The following NXPH1 variants were observed in gnomAD, a reference collection of about 807,000 sequenced individuals.
NXPH1 encodes neurexophilin-1.
NXPH1 carries 5 observed loss-of-function variants against 23.7 expected under a neutral mutation model. The ratio of observed to expected loss-of-function variants is 0.21; its 90% CI spans 0.11 to 0.44. NXPH1 has a LOEUF of 0.44. Among genes scored for constraint, NXPH1 ranks in the 20% least tolerant of loss-of-function variants. The probability of loss-of-function intolerance (pLI) is 0.99; values close to 1 mark genes in which losing one functional copy is unlikely to be tolerated. For missense variants in NXPH1, 324 were observed against 321.6 expected, an observed-to-expected ratio of 1.01 and a Z score of -0.06; for synonymous variants, 144 against 122.2, an observed-to-expected ratio of 1.18 and a Z score of -1.18.
chr7:8,691,977 C>G (rs1277896513), intron 2 of NXPH1, among the ~76,000 whole-genome samples: 1 of 151,972 alleles, frequency 6.6e-6, no homozygotes, highest in Non-Finnish European at 1.5e-5. Context: ...GGGCACTAGT[C>G]AAGCAATGAT....
At chr7:8,459,293 C>A (rs181246741) in intron 2 of NXPH1, among the ~76,000 whole-genome samples, 2 of 152,188 alleles carry the variant, frequency 1.3e-5, no homozygotes, top group East Asian at 1.9e-4. Context: ...GTAGAGACTT[C>A]ACTGGATTTT....
chr7:8,700,202 T>C (rs1361570321), intron 2 of NXPH1, among the ~76,000 whole-genome samples: 1 of 152,170 alleles, frequency 6.6e-6, no homozygotes, highest in East Asian at 1.9e-4. Context: ...ATGAGCAGTT[T>C]GAATGTTATT....
chr7:8,551,972 G>A (rs1818283126), intron 2 of NXPH1, among the ~76,000 whole-genome samples: 1 of 151,214 alleles, frequency 6.6e-6, no homozygotes, highest in South Asian at 2.1e-4. Context: ...ATCCTCTGAT[G>A]TCTCTTTTTT....
At chr7:8,691,565 G>A (rs566769273) in intron 2 of NXPH1, among the ~76,000 whole-genome samples, 4 of 152,178 alleles carry the variant, frequency 2.6e-5, no homozygotes, top group Non-Finnish European at 5.9e-5. Context: ...AATATTTTTT[G>A]CTACCAAATA....
chr7:8,512,233 T>C (rs1817623715), intron 2 of NXPH1, among the ~76,000 whole-genome samples: 1 of 152,174 alleles, frequency 6.6e-6, no homozygotes, highest in African/African-American at 2.4e-5. Flanking sequence ...GTGATAATCT[T>C]AACCAACTGT....
At chr7:8,663,172 A>G (rs1204530988) in intron 2 of NXPH1, among the ~76,000 whole-genome samples, 2 of 152,116 alleles carry the variant, frequency 1.3e-5, no homozygotes, top group African/African-American at 4.8e-5. Context: ...CATGGAGTCA[A>G]TGTTTGTGAG....
intron 2 of NXPH1, among the ~76,000 whole-genome samples, chr7:8,674,459 T>G (rs1329362007): frequency 6.6e-6 from 1 of 152,168 alleles, no homozygotes; most frequent in African/African-American, 2.4e-5. Flanking sequence ...GTACCGTATT[T>G]AAGAAGAAAG....
intron 2 of NXPH1, among the ~76,000 whole-genome samples, chr7:8,632,739 C>T (rs900125857): frequency 3.3e-5 from 5 of 152,134 alleles, no homozygotes; most frequent in African/African-American, 9.7e-5. Context: ...TGAGAATTTC[C>T]GTGGTGTAGA....
rs113503548 is a variant in NXPH1 at position 8,526,233 on chromosome 7, C to T, written c.54+90466C>T. Among the ~76,000 whole-genome samples the T allele has an allele frequency of 6.3e-3, 955 of 152,340 alleles. 8 individuals are homozygous for T. The highest frequency in any genetic ancestry group is 0.022 in the African/African-American group (916 of 41,586). ...ACTCCCCTGCTGGATTTTGGACTTG[C>T]ATGGGCCCTGTAATCCCTTTGTTTT... On this transcript the variant is annotated intron_variant, in intron 2 of 2. Coordinates refer to ENST00000405863, the MANE Select transcript of NXPH1 (RefSeq NM_152745.3).
At chr7:8,639,919 A>C (rs140354429) in intron 2 of NXPH1, among the ~76,000 whole-genome samples, 1,637 of 152,228 alleles carry the variant, frequency 0.011, 20 homozygotes, top group Non-Finnish European at 0.014. Context: ...TTTTGTTCTC[A>C]GTTTCAGGTA....
chr7:8,553,084 C>A (rs1818304076), intron 2 of NXPH1, among the ~76,000 whole-genome samples: 1 of 151,300 alleles, frequency 6.6e-6, no homozygotes, highest in Non-Finnish European at 1.5e-5. Flanking sequence ...TGACTAGAGG[C>A]AAAGAGAGAA....
intron 2 of NXPH1, among the ~76,000 whole-genome samples, chr7:8,485,672 C>T (rs1817147540): frequency 6.6e-6 from 1 of 152,122 alleles, no homozygotes; most frequent in Admixed American, 6.6e-5. Context: ...GCTCAAAAGA[C>T]TTCTCATTTG....
intron 2 of NXPH1, among the ~76,000 whole-genome samples, chr7:8,548,159 A>C (rs1007966550): frequency 2.0e-5 from 3 of 151,484 alleles, no homozygotes; most frequent in African/African-American, 7.3e-5. Flanking sequence ...TTTTCAGATG[A>C]AGTGTTGAAG....
At chr7:8,671,345 C>T (rs1820866633) in intron 2 of NXPH1, among the ~76,000 whole-genome samples, 1 of 152,100 alleles carries the variant, frequency 6.6e-6, no homozygotes, top group South Asian at 2.1e-4. Context: ...AGATAGGTTC[C>T]TGAGCATTCT....
chr7:8,504,318 C>T (rs1263755790), intron 2 of NXPH1, among the ~76,000 whole-genome samples: 1 of 151,910 alleles, frequency 6.6e-6, no homozygotes, highest in Non-Finnish European at 1.5e-5. Flanking sequence ...GTTTTTCTTT[C>T]TTTCTTGTTT....
intron 2 of NXPH1, among the ~76,000 whole-genome samples, chr7:8,719,083 T>C (rs1779923790): frequency 1.3e-5 from 2 of 152,354 alleles, no homozygotes; most frequent in South Asian, 4.1e-4. Flanking sequence ...AAAATCTGAA[T>C]TGACTTTGTT....
At chr7:8,694,288 T>G (rs888095990) in intron 2 of NXPH1, among the ~76,000 whole-genome samples, 34 of 152,174 alleles carry the variant, frequency 2.2e-4, no homozygotes, top group African/African-American at 7.7e-4. Context: ...TGTGCATTGG[T>G]TGAGTTGTCC....
chr7:8,594,585 AGT>A (rs1274281149), intron 2 of NXPH1, among the ~76,000 whole-genome samples: 1 of 152,002 alleles, frequency 6.6e-6, no homozygotes, highest in Non-Finnish European at 1.5e-5. Context: ...AAATAAATTA[AGT>A]GAGGAGGTTC....
At position 8,618,984 on chromosome 7, in the gene NXPH1, A is replaced by C. The variant is rs533268066; in HGVS notation, c.55-132024A>C. 1.3e-4 allele frequency among the ~76,000 whole-genome samples: 20 copies of C among 152,252 alleles called. No homozygotes were observed. The South Asian group carries it at 1.9e-3, about 14-fold the overall frequency. On this transcript the variant is annotated intron_variant, in intron 2 of 2. Transcript: ENST00000405863. ...AAAATTATAAAATTGAAATCTTTTC[A>C]GTTTGTGTGTTACTATTTTTAAGCA... is the stretch of plus-strand genomic sequence containing the variant.
Sources: gnomAD v4.1 joint callset for allele counts (sites outside exome capture counted in the v4.1 genomes callset) on GRCh38, gnomAD v4.1.1 for gene constraint, MANE v1.5 for transcripts, NCBI Gene and HGNC (gene_info 2026-07-23, HGNC 2026-07-21) for gene names.